SETD3: variants seen among roughly 807,000 people sequenced by gnomAD.
SETD3 encodes the protein actin-histidine N-methyltransferase.
In SETD3, 19 loss-of-function variants were observed where a neutral mutation model predicts 63.0. That is an observed-to-expected ratio of 0.30 (90% CI 0.21 to 0.44). The LOEUF is 0.44. Among genes scored for constraint, SETD3 ranks in the 20% least tolerant of loss-of-function variants. SETD3 has a pLI of 1.00. For missense variants in SETD3, 587 were observed against 728.5 expected, an observed-to-expected ratio of 0.81 and a Z score of 2.24; for synonymous variants, 286 against 264.1, an observed-to-expected ratio of 1.08 and a Z score of -0.80.
rs113908822 is a variant in SETD3 at position 99,444,865 on chromosome 14, T to C, written c.675+13414A>G. Among the ~76,000 whole-genome samples, 832 of 151,790 alleles carry C rather than the reference T, an allele frequency of 5.5e-3. 8 individuals carry two copies. Among genetic ancestry groups the C allele is most frequent in the Middle Eastern group, 0.014 (4 of 294 alleles). ...AAAAAAAACAACTTGATATATGTCA[T>C]GAATATGTACAATTATAATATGTCA... is the stretch of plus-strand genomic sequence containing the variant. On this transcript the variant is annotated intron_variant, in intron 6 of 12. Transcript: ENST00000331768.
Position 99,413,502 on chromosome 14 carries a change from CTTTT to C in SETD3, c.734+370_734+373del, listed in dbSNP as rs35866459. On this transcript the variant is annotated intron_variant, in intron 7 of 12. Transcript: ENST00000331768. ...GAATTGTAAGAAATGTAAAATGTGA[CTTTT>C]TTATTACACTGTGCAGTGAATTAAA... is the stretch of plus-strand genomic sequence containing the variant. 2.8e-4 allele frequency among the ~76,000 whole-genome samples: 42 copies of C among 152,302 alleles called. 1 individual carries two copies. Among genetic ancestry groups the C allele is most frequent in the South Asian group, 2.7e-3 (13 of 4,824 alleles).
rs368305165 is a variant in SETD3 at position 99,459,152 on chromosome 14, A to G, written c.379T>C (p.Leu127=). The change falls in exon 5 of 13, where the codon TTG becomes CTG. Residue 127 remains leucine, a synonymous_variant. Transcript: ENST00000331768. ...EELFLWVPRK[L]LMTVESAKNS... ...TTAGCAGATTCAACAGTCATTAGCA[A>G]TTTTCGTGGAACCCATAAAAACAAT... is the stretch of plus-strand genomic sequence containing the variant. 7 of 1,611,954 alleles carry G rather than the reference A, an allele frequency of 4.3e-6. No homozygotes were observed. The highest frequency in any genetic ancestry group is 5.1e-6 in the Non-Finnish European group (6 of 1,179,188).
At chr14:99,457,305 T>C (rs1423973376) in intron 6 of SETD3, among the ~76,000 whole-genome samples, 1 of 152,234 alleles carries the variant, frequency 6.6e-6, no homozygotes, top group Non-Finnish European at 1.5e-5. Flanking sequence ...AACAGTCATG[T>C]ATAATTTTTG....
intron 6 of SETD3, 124 bp downstream of exon 6, chr14:99,458,155 T>C (rs1894864628): frequency 8.7e-7 from 1 of 1,145,514 alleles, no homozygotes; most frequent in African/African-American, 1.6e-5. Flanking sequence ...TTTTATATTT[T>C]CAATTTAAAA....
intron 6 of SETD3, among the ~76,000 whole-genome samples, chr14:99,454,664 A>G (rs1462025581): frequency 6.6e-6 from 1 of 152,214 alleles, no homozygotes; most frequent in Non-Finnish European, 1.5e-5. Flanking sequence ...CACGTGGATC[A>G]ACTCTGCTCG....
chr14:99,440,718 T>C (rs1021069450), intron 6 of SETD3, among the ~76,000 whole-genome samples: 5 of 150,680 alleles, frequency 3.3e-5, no homozygotes, highest in East Asian at 1.9e-4. Flanking sequence ...TAAGAGGCCT[T>C]GTAGGGAACA....
At chr14:99,446,434 A>G (rs1894133763) in intron 6 of SETD3, among the ~76,000 whole-genome samples, 2 of 152,218 alleles carry the variant, frequency 1.3e-5, no homozygotes, top group South Asian at 4.1e-4. Flanking sequence ...GAAAGTAAGA[A>G]AAGTCTTACC....
rs181383525 is a variant in SETD3, at chr14:99,461,107, C to A, written c.345+85G>T. 9.4e-6 allele frequency: 14 copies of A among 1,486,274 alleles called. No individual in the cohort carries two copies. The Admixed American group carries it at 2.6e-4, about 28-fold the overall frequency. 92.1% of individuals were successfully genotyped at this position (1,486,274 alleles called of 1,614,324 possible). The stretch of plus-strand genomic sequence containing the variant: ...TCAGAACTAGAACTCCCCCACCACA[C>A]GTCTACCTCTTCACCCTGCGCCCTC... On this transcript the variant is annotated intron_variant, in intron 4 of 12. Coordinates refer to ENST00000331768, the MANE Select transcript of SETD3 (RefSeq NM_032233.3).
intron 8 of SETD3, chr14:99,411,664 T>C (rs1891999648): frequency 6.6e-6 from 1 of 152,216 alleles, no homozygotes; most frequent in Non-Finnish European, 1.5e-5. Context: ...CAGTCAGATA[T>C]TAAAAGCTAT....
chr14:99,485,387 T>G (rs1349997234), upstream of SETD3, among the ~76,000 whole-genome samples: 1 of 152,222 alleles, frequency 6.6e-6, no homozygotes, highest in East Asian at 1.9e-4. Flanking sequence ...ATGGAGGTAC[T>G]CTTGAGATTT....
chr14:99,462,460 C>T (rs8017069), intron 3 of SETD3, among the ~76,000 whole-genome samples: 140,404 of 152,254 alleles, frequency 0.92, 65,839 homozygotes, highest in East Asian at 1. Context: ...GCTGGATATG[C>T]GAAGATACCT....
At chr14:99,454,743 C>A (rs773327631) in intron 6 of SETD3, among the ~76,000 whole-genome samples, 3 of 109,564 alleles carry the variant, frequency 2.7e-5, no homozygotes, top group Non-Finnish European at 6.0e-5. Context: ...GGCGCGGAGA[C>A]CGGCCCAAAA....
At chr14:99,436,777 G>A (rs1893507958) in intron 6 of SETD3, among the ~76,000 whole-genome samples, 1 of 152,138 alleles carries the variant, frequency 6.6e-6, no homozygotes, top group Admixed American at 6.5e-5. Context: ...TACTACTCGT[G>A]GCCCCACACA....
At chr14:99,418,665 A>G (rs1481124539) in intron 6 of SETD3, among the ~76,000 whole-genome samples, 1 of 152,184 alleles carries the variant, frequency 6.6e-6, no homozygotes, top group Non-Finnish European at 1.5e-5. Flanking sequence ...GAGGTGCAAA[A>G]GACAGCTCCA....
chr14:99,428,024 A>T (rs1051245071), intron 6 of SETD3, among the ~76,000 whole-genome samples: 1 of 152,220 alleles, frequency 6.6e-6, no homozygotes. Flanking sequence ...GAAGCTGAGC[A>T]GCTGGGGTTT....
chr14:99,446,056 T>A (rs1642481925), intron 6 of SETD3, among the ~76,000 whole-genome samples: 1 of 152,208 alleles, frequency 6.6e-6, no homozygotes, highest in African/African-American at 2.4e-5. Context: ...GAGGAAAAAC[T>A]GTGTCTAGGG....
intron 1 of SETD3, among the ~76,000 whole-genome samples, chr14:99,470,622 T>C (rs1244884250): frequency 6.6e-6 from 1 of 152,148 alleles, no homozygotes; most frequent in Non-Finnish European, 1.5e-5. Flanking sequence ...AGGGCTCTCC[T>C]CAGTCCCCTG....
chr14:99,400,035 C>G (rs1891304570), intron 12 of SETD3, 64 bp downstream of exon 12: 1 of 1,460,246 alleles, frequency 6.8e-7, no homozygotes, highest in Non-Finnish European at 9.3e-7. Flanking sequence ...GCCACCGCAC[C>G]AAGCCTCATT....
chr14:99,442,175 G>C (rs973774873), intron 6 of SETD3, among the ~76,000 whole-genome samples: 2 of 152,192 alleles, frequency 1.3e-5, no homozygotes, highest in African/African-American at 4.8e-5. Flanking sequence ...TGAAACTTCA[G>C]GGAGTCTCAG....
Sources: allele counts gnomAD v4.1 joint callset (sites outside exome capture counted in the v4.1 genomes callset), GRCh38; gene constraint gnomAD v4.1.1; transcripts MANE v1.5; gene names NCBI Gene and HGNC (gene_info 2026-07-23, HGNC 2026-07-21).